The following NOP9 variants were observed in gnomAD, a reference collection of about 807,000 sequenced individuals.
NOP9 encodes nucleolar protein 9.
A neutral mutation model predicts 63.0 loss-of-function variants in NOP9; 50 were observed. The ratio of observed to expected loss-of-function variants is 0.79; its 90% CI spans 0.63 to 1.00. The LOEUF is 1.00. NOP9 is among the 50% of genes least tolerant of loss of function. The pLI, the probability that NOP9 is intolerant of heterozygous loss-of-function variation, is 0.00. For synonymous variants in NOP9, 343 were observed against 332.8 expected (o/e 1.03, Z -0.33); for missense variants, 758 against 803.0 (o/e 0.94, Z 0.68).
the NOP9 span, among the ~76,000 whole-genome samples, chr14:24,284,511 G>A: frequency 1.3e-5 from 2 of 152,110 alleles, no homozygotes; most frequent in Non-Finnish European, 2.9e-5. Flanking sequence ...GCCTGAGAAG[G>A]TGGGAGCAGT....
rs1287266732 is a variant in NOP9, at chr14:24,308,601, T to C, written c.*3506T>C. 6.5e-6 allele frequency: 1 copy of C among 153,310 alleles called. No homozygotes were observed. The highest frequency in any genetic ancestry group is 1.9e-4 in the East Asian group (1 of 5,206). 9.5% of individuals were successfully genotyped at this position (153,310 alleles called of 1,614,324 possible). Reference sequence around the variant, plus strand: ...CTCTCACTTTTCTCCTTTTGCCGATTAGTGGACGTGACAGAGATGTGAATG... The same window carrying C: ...CTCTCACTTTTCTCCTTTTGCCGATCAGTGGACGTGACAGAGATGTGAATG... On this transcript the variant is annotated 3_prime_UTR_variant, in exon 10 of 10. Coordinates refer to ENST00000267425, the MANE Select transcript of NOP9 (RefSeq NM_174913.3).
chr14:24,305,184 G>C lies in NOP9; in HGVS notation c.*89G>C. ...TTCCTGGTTTAAATTGGAGTCAGAA[G>C]TCTTAGTGGTAAATATTTGATATTT... is the stretch of plus-strand genomic sequence containing the variant. On this transcript the variant is annotated 3_prime_UTR_variant, in exon 10 of 10. Transcript: ENST00000267425. 8.1e-7 allele frequency: 1 copy of C among 1,227,892 alleles called. No individual in the cohort carries two copies. Among genetic ancestry groups the C allele is most frequent in the Non-Finnish European group, 1.1e-6 (1 of 929,872 alleles). 76.1% of individuals were successfully genotyped at this position (1,227,892 alleles called of 1,614,324 possible).
intron 2 of NOP9, 28 bp downstream of exon 2, chr14:24,300,885 T>C (rs1566410311): frequency 1.3e-6 from 2 of 1,552,904 alleles, no homozygotes; most frequent in Non-Finnish European, 1.8e-6. Context: ...AAAGTGGACC[T>C]AGGGGGAAGA....
chr14:24,281,198 T>C, the NOP9 span, among the ~76,000 whole-genome samples: 1 of 152,300 alleles, frequency 6.6e-6, no homozygotes, highest in East Asian at 1.9e-4. Context: ...CTTAGGCCCC[T>C]GAGCGGGGGT....
At position 24,307,283 on chromosome 14, in the gene NOP9, G is replaced by A; in HGVS notation, c.*2188G>A. The A allele has an allele frequency of 7.1e-7, 1 of 1,418,004 alleles. No homozygotes were observed. Among genetic ancestry groups the A allele is most frequent in the Non-Finnish European group, 9.7e-7 (1 of 1,033,412 alleles). 87.8% of individuals were successfully genotyped at this position (1,418,004 alleles called of 1,614,324 possible). A position where few individuals can be genotyped will look rare whatever the true frequency, so the allele number is the denominator to read the frequency against. On this transcript the variant is annotated 3_prime_UTR_variant, in exon 10 of 10. Transcript: ENST00000267425. ...AGGGAGGGGCAGCTGTGTGACTTCA[G>A]CCCTCTGCTCCATCATCACAAGTTG...
the NOP9 span, among the ~76,000 whole-genome samples, chr14:24,281,656 GA>G: frequency 6.6e-6 from 1 of 152,196 alleles, no homozygotes; most frequent in Admixed American, 6.5e-5. Context: ...AAACTTCTAG[GA>G]GGTTGAGATG....
the NOP9 span, among the ~76,000 whole-genome samples, chr14:24,272,296 A>G: frequency 6.6e-6 from 1 of 152,250 alleles, no homozygotes; most frequent in Non-Finnish European, 1.5e-5. Context: ...ACATGCACAT[A>G]CATATTCAAA....
the NOP9 span, chr14:24,293,000 G>T: frequency 1.9e-6 from 1 of 532,346 alleles, no homozygotes; most frequent in South Asian, 3.0e-5. Flanking sequence ...AGCAATCTTT[G>T]GAAGAAGAAA....
chr14:24,300,085 A>AT lies in NOP9; in HGVS notation c.132dup (p.Gly45TrpfsTer64). ...AAGCGGCAACCCTGGCCGCCTCCGG[A>AT]TGGGCGCTCGGAGCCGGCTCCAGAT... On this transcript the variant is annotated frameshift_variant, in exon 1 of 10. Transcript: ENST00000267425. LOFTEE classifies it high-confidence loss of function. 1 of 1,613,026 alleles carries AT rather than the reference A, an allele frequency of 6.2e-7. No individual in the cohort carries two copies. Among genetic ancestry groups the AT allele is most frequent in the South Asian group, 1.1e-5 (1 of 91,072 alleles).
the NOP9 span, chr14:24,293,583 A>AATAAATAAATAAATAAATAG: frequency 6.6e-6 from 1 of 152,018 alleles, no homozygotes; most frequent in Non-Finnish European, 1.5e-5. Context: ...AAAATAAATA[A>AATAAATAAATAAATAAATAG]ATAAATAAAA....
At chr14:24,286,147 G>C in the NOP9 span, among the ~76,000 whole-genome samples, 1 of 152,272 alleles carries the variant, frequency 6.6e-6, no homozygotes, top group East Asian at 1.9e-4. Flanking sequence ...TCAGTGCTAC[G>C]TCTGGCACAC....
At chr14:24,285,850 G>A in the NOP9 span, among the ~76,000 whole-genome samples, 5 of 152,066 alleles carry the variant, frequency 3.3e-5, no homozygotes, top group African/African-American at 9.7e-5. Flanking sequence ...TTAGCTGGGC[G>A]TGGTGGCAGG....
the NOP9 span, among the ~76,000 whole-genome samples, chr14:24,273,375 C>G: frequency 5.6e-4 from 85 of 152,246 alleles, no homozygotes; most frequent in Non-Finnish European, 8.7e-4. Flanking sequence ...GACGGGGTTT[C>G]ACCATGTTGG....
rs776821155 is a variant in NOP9 at position 24,307,820 on chromosome 14, G to T, written c.*2725G>T. On this transcript the variant is annotated 3_prime_UTR_variant, in exon 10 of 10. Coordinates refer to ENST00000267425, the MANE Select transcript of NOP9 (RefSeq NM_174913.3). The stretch of plus-strand genomic sequence containing the variant: ...TAGAGCGGAGGGTTAGCAGTCACCT[G>T]AGTAAGTCACTGGGGTTCAGAGCTG... The T allele has an allele frequency of 6.3e-7, 1 of 1,594,902 alleles. No individual in the cohort carries two copies. The highest frequency in any genetic ancestry group is 8.5e-7 in the Non-Finnish European group (1 of 1,170,308).
In NOP9 at chr14:24,307,857, A is replaced by G; in HGVS notation, c.*2762A>G. The G allele has an allele frequency of 6.3e-7, 1 of 1,591,014 alleles. No individual in the cohort carries two copies. Among genetic ancestry groups the G allele is most frequent in the Non-Finnish European group, 8.6e-7 (1 of 1,168,152 alleles). On this transcript the variant is annotated 3_prime_UTR_variant, in exon 10 of 10. Coordinates refer to ENST00000267425, the MANE Select transcript of NOP9 (RefSeq NM_174913.3). ...GGGGTTCAGAGCTGAGAGGTACTCC[A>G]TGGTGGACCGGAGAGTTCCTTCCCT...
In NOP9 at chr14:24,299,932, G is replaced by T. The variant is rs2041335839; in HGVS notation, c.-23G>T. 1 of 1,517,400 alleles carries T rather than the reference G, an allele frequency of 6.6e-7. No individual in the cohort carries two copies. The allele number at this position is 1,517,400 out of a possible 1,614,324, so 94.0% of individuals were successfully genotyped here. A position where few individuals can be genotyped will look rare whatever the true frequency, so the allele number is the denominator to read the frequency against. On this transcript the variant is annotated 5_prime_UTR_variant, in exon 1 of 10. Coordinates refer to ENST00000267425, the MANE Select transcript of NOP9 (RefSeq NM_174913.3). ...GTCCGCAGTTAAGGAAGCTTTTGCA[G>T]CCGGACAGGTCGCGAAGCACACATG...
Position 24,301,939 on chromosome 14 carries a change from G to A in NOP9, c.809-26G>A, listed in dbSNP as rs199729858. ...AGGTTGTCTGGATTTTGGGAAAGCC[G>A]CTTTATTTCTGCCCTCTCTCCACAG... On this transcript the variant is annotated intron_variant, in intron 3 of 9. Coordinates refer to ENST00000267425, the MANE Select transcript of NOP9 (RefSeq NM_174913.3). 3.1e-4 allele frequency: 502 copies of A among 1,594,626 alleles called. 4 individuals carry two copies. The African/African-American group carries it at 6.0e-3, about 19-fold the overall frequency.
the NOP9 span, among the ~76,000 whole-genome samples, chr14:24,286,709 C>T: frequency 6.6e-6 from 1 of 152,030 alleles, no homozygotes; most frequent in African/African-American, 2.4e-5. Context: ...TCTCCTGCCT[C>T]AGCCTCCCGA....
At chr14:24,281,064 AC>A in the NOP9 span, among the ~76,000 whole-genome samples, 2 of 152,060 alleles carry the variant, frequency 1.3e-5, no homozygotes. Flanking sequence ...CCCAATCATG[AC>A]TCAGGCTTGA....
Sources: allele counts gnomAD v4.1 joint callset (sites outside exome capture counted in the v4.1 genomes callset), GRCh38; gene constraint gnomAD v4.1.1; transcripts MANE v1.5; gene names NCBI Gene and HGNC (gene_info 2026-07-23, HGNC 2026-07-21).